The following JAZF1 variants were observed in gnomAD, a reference collection of about 807,000 sequenced individuals.
The protein encoded by JAZF1 is JAZF zinc finger 1.
JAZF1 carries 8 observed loss-of-function variants against 26.4 expected under a neutral mutation model. The ratio of observed to expected loss-of-function variants is 0.30; its 90% CI spans 0.18 to 0.55. JAZF1 has a LOEUF of 0.55. JAZF1 is among the 20% of genes least tolerant of loss of function. The probability of loss-of-function intolerance (pLI) is 0.94; values close to 1 mark genes in which losing one functional copy is unlikely to be tolerated. For missense variants in JAZF1, 199 were observed against 322.0 expected, an observed-to-expected ratio of 0.62 and a Z score of 2.92; for synonymous variants, 126 against 122.3, an observed-to-expected ratio of 1.03 and a Z score of -0.20.
At chr7:28,135,512 G>C (rs1316068752) in intron 1 of JAZF1, among the ~76,000 whole-genome samples, 1 of 152,188 alleles carries the variant, frequency 6.6e-6, no homozygotes, top group Non-Finnish European at 1.5e-5. Context: ...AACTGGACTG[G>C]ATTTACAGCA....
At chr7:28,002,908 A>G (rs536634516) in intron 1 of JAZF1, among the ~76,000 whole-genome samples, 1 of 152,202 alleles carries the variant, frequency 6.6e-6, no homozygotes, top group East Asian at 1.9e-4. Flanking sequence ...AGGCTGCCTG[A>G]AAGAAATTCT....
chr7:28,059,092 C>T (rs1396804369), intron 1 of JAZF1, among the ~76,000 whole-genome samples: 2 of 152,140 alleles, frequency 1.3e-5, no homozygotes, highest in African/African-American at 2.4e-5. Flanking sequence ...ATAATAAGTA[C>T]ATAAACATTT....
At chr7:27,882,323 C>CA (rs949967217) in intron 3 of JAZF1, among the ~76,000 whole-genome samples, 1 of 147,892 alleles carries the variant, frequency 6.8e-6, no homozygotes, top group Non-Finnish European at 1.5e-5. Context: ...TTTTTTTAAA[C>CA]AAAAAAACAA....
intron 1 of JAZF1, among the ~76,000 whole-genome samples, chr7:28,086,468 TCTGAGGAGTTCAAGTTTCACCACGAG>T (rs1419476284): frequency 1.3e-5 from 2 of 152,228 alleles, no homozygotes; most frequent in East Asian, 3.8e-4. Flanking sequence ...GAGCTGATGA[TCTGAGGAGTTCAAGTTTCACCACGAG>T]CATCTATATT....
chr7:27,896,600 TCA>T (rs1784067568), intron 2 of JAZF1, among the ~76,000 whole-genome samples: 2 of 152,340 alleles, frequency 1.3e-5, no homozygotes, highest in South Asian at 4.1e-4. Flanking sequence ...CTAACCTATT[TCA>T]CATTTTGTCT....
At chr7:27,982,314 G>GGCTCAGAGGGTCCCACGCCCA (rs1324365573) in intron 2 of JAZF1, among the ~76,000 whole-genome samples, 3 of 93,812 alleles carry the variant, frequency 3.2e-5, no homozygotes, top group East Asian at 6.4e-4. Context: ...TCCCGCGCAT[G>GGCTCAGAGGGTCCCACGCCCA]GCTCAGAGGG....
chr7:28,116,785 A>G (rs1157206144), intron 1 of JAZF1, among the ~76,000 whole-genome samples: 5 of 151,872 alleles, frequency 3.3e-5, no homozygotes, highest in African/African-American at 1.2e-4. Context: ...TAATCTGTTC[A>G]TATCCTTTGC....
chr7:27,947,364 C>T (rs994501353), intron 2 of JAZF1, among the ~76,000 whole-genome samples: 5 of 152,128 alleles, frequency 3.3e-5, no homozygotes, highest in Admixed American at 3.3e-4. Flanking sequence ...TCAATTTCAT[C>T]TCTGAATATA....
chr7:28,118,569 C>T (rs141205588), intron 1 of JAZF1, among the ~76,000 whole-genome samples: 7 of 152,218 alleles, frequency 4.6e-5, no homozygotes, highest in East Asian at 1.9e-4. Flanking sequence ...GAAAATTTCT[C>T]GTAAACTGGA....
chr7:27,886,628 G>C (rs1490532760), intron 3 of JAZF1, among the ~76,000 whole-genome samples: 2 of 152,174 alleles, frequency 1.3e-5, no homozygotes, highest in Non-Finnish European at 2.9e-5. Flanking sequence ...AATCATCTGT[G>C]CTAATGTAGC....
At chr7:28,034,940 C>G (rs1340216882) in intron 1 of JAZF1, among the ~76,000 whole-genome samples, 1 of 151,872 alleles carries the variant, frequency 6.6e-6, no homozygotes, top group African/African-American at 2.4e-5. Flanking sequence ...ACCATCACAG[C>G]CAGCAAGATG....
At chr7:28,015,845 G>T (rs1052384772) in intron 1 of JAZF1, among the ~76,000 whole-genome samples, 1 of 152,088 alleles carries the variant, frequency 6.6e-6, no homozygotes, top group East Asian at 1.9e-4. Flanking sequence ...CCATGCTCAG[G>T]ATCGTCCCTG....
chr7:28,148,306 G>A (rs1165707457), intron 1 of JAZF1, among the ~76,000 whole-genome samples: 2 of 152,038 alleles, frequency 1.3e-5, no homozygotes, highest in African/African-American at 4.8e-5. Context: ...CCTGACCTCA[G>A]GTGATCCATC....
chr7:27,893,675 T>C (rs1784012632), intron 3 of JAZF1, among the ~76,000 whole-genome samples: 1 of 152,234 alleles, frequency 6.6e-6, no homozygotes, highest in Non-Finnish European at 1.5e-5. Context: ...TTGTCATGAT[T>C]ACAGGGTTAT....
chr7:28,109,277 A>C (rs1784601707), intron 1 of JAZF1, among the ~76,000 whole-genome samples: 1 of 152,232 alleles, frequency 6.6e-6, no homozygotes, highest in Non-Finnish European at 1.5e-5. Flanking sequence ...GTTTCTGGTA[A>C]TCATTCCACA....
intron 3 of JAZF1, among the ~76,000 whole-genome samples, chr7:27,854,897 A>C (rs1429515376): frequency 6.6e-6 from 1 of 152,126 alleles, no homozygotes; most frequent in African/African-American, 2.4e-5. Context: ...CCTGAATTTG[A>C]ATGTTGGCCT....
At chr7:27,913,661 A>T (rs1784399002) in intron 2 of JAZF1, among the ~76,000 whole-genome samples, 1 of 152,130 alleles carries the variant, frequency 6.6e-6, no homozygotes, top group Non-Finnish European at 1.5e-5. Context: ...AGAAAATCCA[A>T]CCCACCTATG....
In JAZF1 at chr7:27,975,075, T is replaced by C. The variant is rs1239436569; in HGVS notation, c.188+16834A>G. Among the ~76,000 whole-genome samples the C allele has an allele frequency of 8.6e-5, 13 of 151,938 alleles. 1 individual carries two copies. Among genetic ancestry groups the C allele is most frequent in the Admixed American group, 7.9e-4 (12 of 15,260 alleles). On this transcript the variant is annotated intron_variant, in intron 2 of 4. Coordinates refer to ENST00000283928, the MANE Select transcript of JAZF1 (RefSeq NM_175061.4). Reference sequence around the variant, plus strand: ...AAGTTTATGGTATTTTTAGTAGAGATGGGGTTTCACCATGTTAGCCAGGAT... The same window carrying C: ...AAGTTTATGGTATTTTTAGTAGAGACGGGGTTTCACCATGTTAGCCAGGAT...
intron 2 of JAZF1, among the ~76,000 whole-genome samples, chr7:27,930,884 C>T (rs767314387): frequency 5.3e-5 from 8 of 151,574 alleles, no homozygotes; most frequent in Admixed American, 4.6e-4. Context: ...AAATATAACA[C>T]AGCCATCAGC....
Sources: gnomAD v4.1 joint callset for allele counts (sites outside exome capture counted in the v4.1 genomes callset) on GRCh38, gnomAD v4.1.1 for gene constraint, MANE v1.5 for transcripts, NCBI Gene and HGNC (gene_info 2026-07-23, HGNC 2026-07-21) for gene names.